STXBP6: variants seen among roughly 807,000 people sequenced by gnomAD.
STXBP6 encodes syntaxin-binding protein 6.
A neutral mutation model predicts 26.9 loss-of-function variants in STXBP6; 21 were observed. That is an observed-to-expected ratio of 0.78 (90% CI 0.55 to 1.12). STXBP6 has a LOEUF of 1.12. STXBP6 is among the 50% of genes most tolerant of loss of function. The pLI, the probability that STXBP6 is intolerant of heterozygous loss-of-function variation, is 0.00. For missense variants in STXBP6, 232 were observed against 257.9 expected, an observed-to-expected ratio of 0.90 and a Z score of 0.69; for synonymous variants, 97 against 92.6, an observed-to-expected ratio of 1.05 and a Z score of -0.27.
chr14:24,855,184 C>T (rs918809956), intron 4 of STXBP6, among the ~76,000 whole-genome samples: 1 of 151,988 alleles, frequency 6.6e-6, no homozygotes, highest in African/African-American at 2.4e-5. Context: ...TTAACGTGAT[C>T]TTCATTTAAC....
chr14:25,042,773 A>G (rs890654963), intron 1 of STXBP6, among the ~76,000 whole-genome samples: 1 of 152,240 alleles, frequency 6.6e-6, no homozygotes, highest in African/African-American at 2.4e-5. Flanking sequence ...CAGAACCAGC[A>G]TTCTAACAAA....
At chr14:24,927,865 CTT>C (rs963777034) in intron 2 of STXBP6, among the ~76,000 whole-genome samples, 1 of 151,590 alleles carries the variant, frequency 6.6e-6, no homozygotes, top group Non-Finnish European at 1.5e-5. Context: ...AATAAAAACT[CTT>C]TTTTTTTCCT....
intron 1 of STXBP6, among the ~76,000 whole-genome samples, chr14:24,995,996 A>G (rs749408151): frequency 6.6e-6 from 1 of 152,188 alleles, no homozygotes; most frequent in Admixed American, 6.5e-5. Flanking sequence ...AAAAATCTTT[A>G]TGTTGATCTA....
intron 2 of STXBP6, among the ~76,000 whole-genome samples, chr14:24,881,856 T>C (rs907808934): frequency 6.6e-6 from 1 of 152,188 alleles, no homozygotes; most frequent in African/African-American, 2.4e-5. Flanking sequence ...GGAGCGAAGA[T>C]GTGCAGGATG....
At chr14:24,968,300 T>C (rs1157218742) in intron 2 of STXBP6, among the ~76,000 whole-genome samples, 2 of 151,654 alleles carry the variant, frequency 1.3e-5, no homozygotes, top group Non-Finnish European at 2.9e-5. Context: ...TCTTGAAAAG[T>C]CAACTTACCA....
At chr14:25,001,993 G>A (rs1457575781) in intron 1 of STXBP6, among the ~76,000 whole-genome samples, 2 of 152,142 alleles carry the variant, frequency 1.3e-5, no homozygotes, top group Admixed American at 6.5e-5. Context: ...AGAGTCACTA[G>A]GCTAGAGTCT....
intron 1 of STXBP6, among the ~76,000 whole-genome samples, chr14:25,004,612 G>A (rs1222113150): frequency 1.3e-5 from 2 of 152,228 alleles, no homozygotes; most frequent in African/African-American, 2.4e-5. Context: ...GTTCCAGTGG[G>A]AGTCCCACTT....
At chr14:24,875,546 G>C (rs547344349) in intron 2 of STXBP6, among the ~76,000 whole-genome samples, 1 of 152,288 alleles carries the variant, frequency 6.6e-6, no homozygotes, top group Non-Finnish European at 1.5e-5. Flanking sequence ...CTCTTGGCAG[G>C]AAGGAGCTTC....
intron 2 of STXBP6, among the ~76,000 whole-genome samples, chr14:24,876,918 C>T (rs959976919): frequency 6.6e-6 from 1 of 152,064 alleles, no homozygotes. Context: ...AGATGTTAAG[C>T]CTGGTTGGTT....
chr14:24,983,494 T>C (rs533524608), intron 1 of STXBP6, among the ~76,000 whole-genome samples: 1 of 152,352 alleles, frequency 6.6e-6, no homozygotes, highest in East Asian at 1.9e-4. Flanking sequence ...AATTAGTTTG[T>C]TTCTTTTGCT....
At chr14:24,813,997 A>G (rs1010895402) in intron 5 of STXBP6, among the ~76,000 whole-genome samples, 5 of 152,162 alleles carry the variant, frequency 3.3e-5, no homozygotes, top group African/African-American at 1.2e-4. Context: ...TCTGCTTGGG[A>G]AACCTCAGCT....
At chr14:24,916,823 T>C (rs76826746) in intron 2 of STXBP6, among the ~76,000 whole-genome samples, 2,259 of 152,180 alleles carry the variant, frequency 0.015, 40 homozygotes, top group African/African-American at 0.05. Flanking sequence ...AATCAGCATT[T>C]CAATAAAATC....
At chr14:25,009,560 C>T (rs189456001) in intron 1 of STXBP6, among the ~76,000 whole-genome samples, 2 of 152,290 alleles carry the variant, frequency 1.3e-5, no homozygotes, top group Admixed American at 6.5e-5. Flanking sequence ...AGAAACCCAA[C>T]AAGCCCAGTC....
intron 1 of STXBP6, among the ~76,000 whole-genome samples, chr14:25,016,649 A>C (rs987780745): frequency 5.9e-5 from 9 of 152,224 alleles, no homozygotes; most frequent in African/African-American, 2.2e-4. Flanking sequence ...ACTTTTACGC[A>C]AAAGAACATG....
At chr14:25,048,135 C>T (rs986657550) in intron 1 of STXBP6, among the ~76,000 whole-genome samples, 2 of 152,152 alleles carry the variant, frequency 1.3e-5, no homozygotes, top group Non-Finnish European at 2.9e-5. Flanking sequence ...GAGGAGTGGA[C>T]AGAGAGGAGA....
intron 4 of STXBP6, among the ~76,000 whole-genome samples, chr14:24,828,845 C>A (rs958656713): frequency 6.6e-6 from 1 of 152,102 alleles, no homozygotes; most frequent in Non-Finnish European, 1.5e-5. Flanking sequence ...AAGAGCGATG[C>A]ACAAGAATGA....
At chr14:24,944,626 T>G (rs1365727091) in intron 2 of STXBP6, among the ~76,000 whole-genome samples, 1 of 152,202 alleles carries the variant, frequency 6.6e-6, no homozygotes, top group East Asian at 1.9e-4. Context: ...TTTGCCTACC[T>G]AAGTTGTTAA....
intron 2 of STXBP6, among the ~76,000 whole-genome samples, chr14:24,883,157 T>C (rs964999890): frequency 6.6e-6 from 1 of 152,238 alleles, no homozygotes; most frequent in Non-Finnish European, 1.5e-5. Flanking sequence ...ATATGTCTCA[T>C]AACTACAAAC....
At chr14:25,045,458 A>T (rs1294218183) in intron 1 of STXBP6, among the ~76,000 whole-genome samples, 2 of 152,126 alleles carry the variant, frequency 1.3e-5, no homozygotes, top group East Asian at 3.9e-4. Flanking sequence ...GACAGCATTG[A>T]GTAGAAACCA....
Sources: gnomAD v4.1 joint callset for allele counts (sites outside exome capture counted in the v4.1 genomes callset) on GRCh38, gnomAD v4.1.1 for gene constraint, MANE v1.5 for transcripts, NCBI Gene and HGNC (gene_info 2026-07-23, HGNC 2026-07-21) for gene names.